Variants in UBAP1 observed in about 807,000 individuals in gnomAD.
UBAP1 encodes ubiquitin-associated protein 1.
In UBAP1, 5 loss-of-function variants were observed where a neutral mutation model predicts 39.0. That is an observed-to-expected ratio of 0.13 (90% confidence interval 0.07 to 0.27). The LOEUF (loss-of-function observed/expected upper bound fraction) is 0.27, where lower values mean the gene tolerates loss of function less well. Ranked by LOEUF, UBAP1 falls within the 10% of genes least tolerant of loss-of-function variation. The pLI is 1.00. For missense variants in UBAP1, 490 were observed against 608.1 expected (o/e 0.81, Z 2.04); for synonymous variants, 211 against 225.1 (o/e 0.94, Z 0.56).
chr9:34,185,151 C>T (rs1360800524), intron 1 of UBAP1, among the ~76,000 whole-genome samples: 1 of 151,318 alleles, frequency 6.6e-6, no homozygotes, highest in Non-Finnish European at 1.5e-5. Flanking sequence ...CCAGGCTGGT[C>T]TCGAACTTCG....
At chr9:34,203,901 A>G (rs1831537225) in intron 1 of UBAP1, among the ~76,000 whole-genome samples, 2 of 152,366 alleles carry the variant, frequency 1.3e-5, no homozygotes, top group South Asian at 2.1e-4. Flanking sequence ...CAGGTTTCAC[A>G]TGATGGAAAC....
Position 34,251,676 on chromosome 9 carries a change from CTG to C in UBAP1, c.*147_*148del. The C allele has an allele frequency of 2.2e-6, 2 of 911,834 alleles. No homozygotes were observed. The highest frequency in any genetic ancestry group is 2.6e-5 in the East Asian group (1 of 37,762). 56.5% of individuals were successfully genotyped at this position (911,834 alleles called of 1,614,324 possible). A position where few individuals can be genotyped will look rare whatever the true frequency, so the allele number is the denominator to read the frequency against. ...AGGTGTGGAGACTGCTCGCCAGTCT[CTG>C]TGAGCCTAGGCCCTGAGCTGGGGAG... On this transcript the variant is annotated 3_prime_UTR_variant, in exon 7 of 7. Transcript: ENST00000297661.
chr9:34,196,898 T>TTGTGTGTGTGTGTG (rs777008697), intron 1 of UBAP1, among the ~76,000 whole-genome samples: 30 of 141,434 alleles, frequency 2.1e-4, no homozygotes, highest in African/African-American at 2.6e-4. Context: ...ATATTGTTAT[T>TTGTGTGTGTGTGTG]TGTGTGTGTG....
intron 1 of UBAP1, among the ~76,000 whole-genome samples, 162 bp from the exon 2 acceptor site, chr9:34,220,746 A>G (rs1410561518): frequency 1.3e-5 from 2 of 152,148 alleles, no homozygotes; most frequent in Non-Finnish European, 1.5e-5. Flanking sequence ...TACAGGCATG[A>G]GCCACAGTGC....
chr9:34,220,352 G>A lies in UBAP1; in HGVS notation c.-7-556G>A, dbSNP rs184695033. ...TTTCATTAATTAATTATTTTTGTGTGTGAGACAGGGTCTCGCTCTGTTGCC... is the reference window on the plus strand; with the variant it reads ...TTTCATTAATTAATTATTTTTGTGTATGAGACAGGGTCTCGCTCTGTTGCC... On this transcript the variant is annotated intron_variant, in intron 1 of 6. Transcript: ENST00000297661. 3 of 150,358 alleles carry A rather than the reference G, an allele frequency of 2.0e-5. No individual in the cohort carries two copies. In the Admixed American group the frequency reaches 2.0e-4, roughly 10 times the overall value. 9.3% of individuals were successfully genotyped at this position (150,358 alleles called of 1,614,324 possible).
At chr9:34,197,360 C>CA (rs1439338496) in intron 1 of UBAP1, among the ~76,000 whole-genome samples, 3 of 151,106 alleles carry the variant, frequency 2.0e-5, no homozygotes, top group Non-Finnish European at 4.4e-5. Context: ...GTGCTAGTCT[C>CA]AAACAGCCGG....
At chr9:34,235,648 T>G (rs1833661237) in intron 3 of UBAP1, among the ~76,000 whole-genome samples, 1 of 151,942 alleles carries the variant, frequency 6.6e-6, no homozygotes, top group South Asian at 2.1e-4. Context: ...CAAAAAATTG[T>G]TTTTTACAAA....
rs575942985 is a variant in UBAP1, at chr9:34,241,980, C to T, written c.955C>T (p.Leu319Phe). ...CAGTGAGCTCAATGGGCATCACACT[C>T]TTGGGCTTTCAGCTTTGAACTTGGA... ...SASELNGHHT[L>F]GLSALNLDSG... Residue 319 changes from leucine (L) to phenylalanine (F), a missense_variant, in exon 4 of 7, where the codon CTT (leucine) becomes TTT (phenylalanine). Coordinates refer to ENST00000297661, the MANE Select transcript of UBAP1 (RefSeq NM_016525.5). 12 of 1,614,190 alleles carry T rather than the reference C, an allele frequency of 7.4e-6. No homozygotes were observed. In the Admixed American group the frequency reaches 1.3e-4, roughly 18 times the overall value.
chr9:34,224,371 T>G, intron 2 of UBAP1: 1 of 443,312 alleles, frequency 2.3e-6, no homozygotes. Context: ...CAGCTCGTTA[T>G]TAAACGCATT....
At chr9:34,231,306 A>G (rs1258567551) in intron 2 of UBAP1, among the ~76,000 whole-genome samples, 1 of 151,772 alleles carries the variant, frequency 6.6e-6, no homozygotes, top group Non-Finnish European at 1.5e-5. Flanking sequence ...GCTCACTGCA[A>G]CTTCTGCCTC....
chr9:34,193,276 G>A (rs987294252), intron 1 of UBAP1, among the ~76,000 whole-genome samples: 4 of 151,960 alleles, frequency 2.6e-5, no homozygotes, highest in South Asian at 2.1e-4. Flanking sequence ...ACGCCACTGC[G>A]CTCCCGCCTG....
intron 2 of UBAP1, among the ~76,000 whole-genome samples, chr9:34,226,540 T>G (rs947737165): frequency 2.6e-5 from 4 of 152,090 alleles, no homozygotes; most frequent in Non-Finnish European, 5.9e-5. Flanking sequence ...CCTGGCCTTG[T>G]TTCTACAAAA....
chr9:34,242,038 C>A lies in UBAP1; in HGVS notation c.1013C>A (p.Ser338Tyr). The stretch of plus-strand genomic sequence containing the variant: ...ACAGAGATGCCAGCCCTGACATCCT[C>A]CCAGATGCCTTCCCTCTCTGTTTTG... ...SGTEMPALTSSQMPSLSVLSV... is the reference protein window; with the variant it reads ...SGTEMPALTSYQMPSLSVLSV... The change falls in exon 4 of 7, where the codon TCC becomes TAC. Residue 338 changes from serine to tyrosine, a missense_variant. Physicochemically the swap from Ser to Tyr is moderately radical, Grantham distance 144. Around this residue, in one of 3 missense-constraint regions of UBAP1, gnomAD observed 339 missense variants for 390.0 expected, o/e 0.87. Transcript: ENST00000297661. 6.2e-7 allele frequency: 1 copy of A among 1,614,170 alleles called. No homozygotes were observed. Among genetic ancestry groups the A allele is most frequent in the East Asian group, 2.2e-5 (1 of 44,894 alleles).
At position 34,234,291 on chromosome 9, in the gene UBAP1, C is replaced by T; in HGVS notation, c.110C>T (p.Pro37Leu). ...AAAACACCAGCTAAAGTTGGTCTAC[C>T]TATTGGCTTCTCCTTGCCTGATTGT... ...KFKTPAKVGLPIGFSLPDCLQ... is the reference protein window; with the variant it reads ...KFKTPAKVGLLIGFSLPDCLQ... The change falls in exon 3 of 7, where the codon CCT becomes CTT. Residue 37 changes from proline to leucine, a missense_variant. By Grantham distance (98) the Pro-to-Leu change is moderately conservative. Around this residue, in one of 3 missense-constraint regions of UBAP1, gnomAD observed 144 missense variants for 184.4 expected, o/e 0.78. Transcript: ENST00000297661. 1 of 1,612,962 alleles carries T rather than the reference C, an allele frequency of 6.2e-7. No individual in the cohort carries two copies. The highest frequency in any genetic ancestry group is 1.1e-5 in the South Asian group (1 of 90,754).
chr9:34,210,162 A>G (rs1219847029), intron 1 of UBAP1, among the ~76,000 whole-genome samples: 2 of 152,176 alleles, frequency 1.3e-5, no homozygotes, highest in Non-Finnish European at 1.5e-5. Flanking sequence ...AATGTTCCTC[A>G]GTATGAATCA....
chr9:34,192,508 T>TC (rs1830783364), intron 1 of UBAP1, among the ~76,000 whole-genome samples: 1 of 93,912 alleles, frequency 1.1e-5, no homozygotes, highest in African/African-American at 3.9e-5. Flanking sequence ...AGAATGAGAC[T>TC]CCATCTCAAA....
At chr9:34,209,660 C>G (rs1317442020) in intron 1 of UBAP1, among the ~76,000 whole-genome samples, 1 of 151,896 alleles carries the variant, frequency 6.6e-6, no homozygotes, top group East Asian at 1.9e-4. Flanking sequence ...ATTCTTTGTT[C>G]TTTTTTCTCT....
intron 4 of UBAP1, among the ~76,000 whole-genome samples, chr9:34,247,158 A>G (rs191636249): frequency 8.5e-5 from 13 of 152,270 alleles, no homozygotes; most frequent in African/African-American, 2.9e-4. Flanking sequence ...TGGAGAAACT[A>G]AACACTGTTA....
intron 1 of UBAP1, among the ~76,000 whole-genome samples, chr9:34,207,430 G>T (rs1470667040): frequency 4.6e-5 from 7 of 150,764 alleles, no homozygotes; most frequent in African/African-American, 1.7e-4. Context: ...TGGTACTTCA[G>T]TTTTCATTTG....
Sources: gnomAD v4.1 joint callset for allele counts (sites outside exome capture counted in the v4.1 genomes callset) on GRCh38, gnomAD v4.1.1 for gene constraint, gnomAD v4.1.1 regional missense constraint, MANE v1.5 for transcripts, NCBI Gene and HGNC (gene_info 2026-07-23, HGNC 2026-07-21) for gene names.